The following PGM1 variants were observed in gnomAD, a reference collection of about 807,000 sequenced individuals.
The protein encoded by PGM1 is phosphoglucomutase-1.
In PGM1, 52 loss-of-function variants were observed where a neutral mutation model predicts 55.6. The ratio of observed to expected loss-of-function variants is 0.94; its 90% CI spans 0.75 to 1.18. The LOEUF is 1.18. Among genes scored for constraint, PGM1 ranks in the 50% most tolerant of loss-of-function variants. The pLI, the probability that PGM1 is intolerant of heterozygous loss-of-function variation, is 0.00. For synonymous variants in PGM1, 287 were observed against 271.7 expected (o/e 1.06, Z -0.55); for missense variants, 724 against 729.3 (o/e 0.99, Z 0.08).
At chr1:63,638,448 A>T (rs1258626515) in intron 6 of PGM1, among the ~76,000 whole-genome samples, 1 of 152,194 alleles carries the variant, frequency 6.6e-6, no homozygotes, top group Non-Finnish European at 1.5e-5. Flanking sequence ...CTTCTAAAAT[A>T]TTAAACTCCA....
chr1:63,627,767 C>T (rs929341590), intron 1 of PGM1, among the ~76,000 whole-genome samples: 3 of 152,098 alleles, frequency 2.0e-5, no homozygotes, highest in African/African-American at 7.2e-5. Context: ...AATTGGTATG[C>T]TTGGTGTGTA....
intron 7 of PGM1, among the ~76,000 whole-genome samples, chr1:63,647,507 A>G (rs887755109): frequency 8.7e-5 from 13 of 149,132 alleles, no homozygotes; most frequent in Non-Finnish European, 1.5e-5. Flanking sequence ...TAAGATTTAT[A>G]TATATAAATA....
intron 4 of PGM1, 130 bp downstream of exon 4, chr1:63,631,912 A>G: frequency 1.1e-6 from 1 of 888,676 alleles, no homozygotes; most frequent in South Asian, 1.4e-5. Flanking sequence ...GTTATTTTGC[A>G]ACCAGAGCAA....
At chr1:63,655,858 G>C (rs1649950495) in intron 10 of PGM1, 1 of 152,330 alleles carries the variant, frequency 6.6e-6, no homozygotes, top group Non-Finnish European at 1.5e-5. Context: ...ATGCCTGTCG[G>C]GTGTCTGCAC....
intron 7 of PGM1, among the ~76,000 whole-genome samples, chr1:63,647,323 C>T (rs1369859327): frequency 2.2e-4 from 24 of 110,256 alleles, no homozygotes; most frequent in African/African-American, 7.6e-4. Context: ...TAAACATCTA[C>T]CTTAAGTGCT....
chr1:63,659,105 T>C (rs1210731495), intron 10 of PGM1, among the ~76,000 whole-genome samples: 1 of 152,064 alleles, frequency 6.6e-6, no homozygotes, highest in African/African-American at 2.4e-5. Context: ...AGCTACAAGA[T>C]GAGATTTGAG....
chr1:63,627,063 C>CA (rs1252934422), intron 1 of PGM1, among the ~76,000 whole-genome samples: 1,673 of 125,194 alleles, frequency 0.013, 48 homozygotes, highest in African/African-American at 0.05. Flanking sequence ...ACCCCCCCCC[C>CA]CCCACACACA....
At chr1:63,607,544 G>T in intron 1 of PGM1, among the ~76,000 whole-genome samples, 1 of 152,196 alleles carries the variant, frequency 6.6e-6, no homozygotes, top group East Asian at 1.9e-4. Flanking sequence ...AAGGCGTTCT[G>T]CAGAAGATAA....
Position 63,593,571 on chromosome 1 carries a change from T to C in PGM1, c.83T>C (p.Val28Ala). 6.2e-7 allele frequency: 1 copy of C among 1,613,646 alleles called. No homozygotes were observed. The highest frequency in any genetic ancestry group is 8.5e-7 in the Non-Finnish European group (1 of 1,179,902). The change falls in exon 1 of 11, where the codon GTG becomes GCG. Residue 28 changes from valine (V) to alanine (A), a missense_variant. By Grantham distance (64) the Val-to-Ala change is moderately conservative. This residue lies in a region of PGM1 where 379 missense variants were observed against 357.5 expected (regional missense o/e 1.06). Transcript: ENST00000371084. Reference sequence around the variant, plus strand: ...AGCGGGCTGCGGAAGCGGGTGAAGGTGTTCCAGAGCAGCGCCAACTACGCG... The same window carrying C: ...AGCGGGCTGCGGAAGCGGGTGAAGGCGTTCCAGAGCAGCGCCAACTACGCG... Reference protein sequence around the residue: ...GTSGLRKRVKVFQSSANYAEN... With the variant: ...GTSGLRKRVKAFQSSANYAEN...
intron 8 of PGM1, among the ~76,000 whole-genome samples, chr1:63,650,426 C>A (rs1391462230): frequency 6.6e-6 from 1 of 152,170 alleles, no homozygotes; most frequent in Non-Finnish European, 1.5e-5. Context: ...AAATGTAAAG[C>A]ACAAACACCT....
intron 1 of PGM1, among the ~76,000 whole-genome samples, chr1:63,601,749 C>T (rs938161968): frequency 6.6e-5 from 10 of 152,160 alleles, no homozygotes; most frequent in Admixed American, 3.3e-4. Flanking sequence ...TGTTGGGATA[C>T]GCGGATGGAT....
At chr1:63,623,692 G>A in intron 1 of PGM1, 1 of 1,612,562 alleles carries the variant, frequency 6.2e-7, no homozygotes, top group Non-Finnish European at 8.5e-7. Flanking sequence ...ACTGGTGGTT[G>A]GTGGAGATGG....
intron 7 of PGM1, among the ~76,000 whole-genome samples, chr1:63,641,147 T>C (rs112938825): frequency 6.6e-6 from 1 of 152,246 alleles, no homozygotes; most frequent in Non-Finnish European, 1.5e-5. Flanking sequence ...TTTAGACTAT[T>C]GTTAAAGTTT....
At chr1:63,650,758 A>G (rs1194331706) in intron 8 of PGM1, among the ~76,000 whole-genome samples, 1 of 152,030 alleles carries the variant, frequency 6.6e-6, no homozygotes, top group Non-Finnish European at 1.5e-5. Context: ...TTGAAGGAAA[A>G]CTCATCTTTA....
At chr1:63,602,240 A>G (rs1168644819) in intron 1 of PGM1, among the ~76,000 whole-genome samples, 1 of 152,216 alleles carries the variant, frequency 6.6e-6, no homozygotes, top group Non-Finnish European at 1.5e-5. Flanking sequence ...AGCTTTTAAT[A>G]TATGAGTACT....
Position 63,630,036 on chromosome 1 carries a change from T to C in PGM1, c.504T>C (p.Gly168=), listed in dbSNP as rs761837582. Residue 168 remains glycine, a synonymous_variant, in exon 3 of 11, where the codon GGT becomes GGC. Transcript: ENST00000371084. ...GCCCTGACCTGAAAGTAGACCTTGG[T>C]GTTCTGGGAAAGCAGCAGTTTGACT... ...AVCPDLKVDL[G]VLGKQQFDLE... 2 of 1,613,916 alleles carry C rather than the reference T, an allele frequency of 1.2e-6. No homozygotes were observed. Among genetic ancestry groups the C allele is most frequent in the Admixed American group, 1.7e-5 (1 of 60,002 alleles).
chr1:63,634,833 G>C lies in PGM1; in HGVS notation c.687G>C (p.Val229=), dbSNP rs201195344. The C allele has an allele frequency of 6.2e-7, 1 of 1,612,166 alleles. No homozygotes were observed. The highest frequency in any genetic ancestry group is 2.2e-5 in the East Asian group (1 of 44,868). Reference sequence around the variant, plus strand: ...TTTATTCCATGCTGTATATAGTTGTGGGACCGTATGTAAAGAAGATCCTCT... The same window carrying C: ...TTTATTCCATGCTGTATATAGTTGTCGGACCGTATGTAAAGAAGATCCTCT... ...KIRIDAMHGV[V]GPYVKKILCE... The change falls in exon 5 of 11, where the codon GTG becomes GTC. Residue 229 remains valine, a synonymous_variant. Coordinates refer to ENST00000371084, the MANE Select transcript of PGM1 (RefSeq NM_002633.3).
In PGM1 at chr1:63,606,042, T is replaced by G. The variant is rs114766926; in HGVS notation, c.246+12308T>G. Among the ~76,000 whole-genome samples, 1,095 of 152,304 alleles carry G rather than the reference T, an allele frequency of 7.2e-3. 10 individuals are homozygous for G. Among genetic ancestry groups the G allele is most frequent in the African/African-American group, 0.025 (1,056 of 41,560 alleles). On this transcript the variant is annotated intron_variant, in intron 1 of 10. Transcript: ENST00000371084. Reference sequence around the variant, plus strand: ...GTAAAAACAAAAAACAAAACTTCCCTTAGCAGAACCCAACCTGCCTTTATT... The same window carrying G: ...GTAAAAACAAAAAACAAAACTTCCCGTAGCAGAACCCAACCTGCCTTTATT...
chr1:63,595,329 A>G (rs1260420142), intron 1 of PGM1, among the ~76,000 whole-genome samples: 1 of 152,220 alleles, frequency 6.6e-6, no homozygotes, highest in Non-Finnish European at 1.5e-5. Flanking sequence ...TACAAAAACT[A>G]TAATGGCAGC....
Sources: gnomAD v4.1 joint callset for allele counts (sites outside exome capture counted in the v4.1 genomes callset) on GRCh38, gnomAD v4.1.1 for gene constraint, gnomAD v4.1.1 regional missense constraint, MANE v1.5 for transcripts, NCBI Gene and HGNC (gene_info 2026-07-23, HGNC 2026-07-21) for gene names.